R3HDM2: variants seen among roughly 807,000 people sequenced by gnomAD.
The protein encoded by R3HDM2 is R3H domain containing 2.
In R3HDM2, 38 loss-of-function variants were observed where a neutral mutation model predicts 124.5. The ratio of observed to expected loss-of-function variants is 0.31; its 90% CI spans 0.24 to 0.40. The LOEUF is 0.40. Among genes scored for constraint, R3HDM2 ranks in the 10% least tolerant of loss-of-function variants. The pLI is 1.00. For synonymous variants in R3HDM2, 391 were observed against 448.0 expected, an observed-to-expected ratio of 0.87 and a Z score of 1.61; for missense variants, 869 against 1,236.9, an observed-to-expected ratio of 0.70 and a Z score of 4.46.
intron 14 of R3HDM2, chr12:57,272,499 C>T (rs113475767): frequency 2.6e-4 from 400 of 1,549,544 alleles, no homozygotes; most frequent in Non-Finnish European, 3.4e-4. Context: ...GACTTGGGGA[C>T]AGGAGCTTGG....
At chr12:57,258,210 A>G in intron 20 of R3HDM2, 73 bp from the exon 21 acceptor site, 1 of 1,278,476 alleles carries the variant, frequency 7.8e-7, no homozygotes, top group South Asian at 2.8e-5. Flanking sequence ...GCTTGGCTTA[A>G]AATTCACCTC....
chr12:57,278,880 G>C (rs1283474267), intron 14 of R3HDM2, among the ~76,000 whole-genome samples: 1 of 152,102 alleles, frequency 6.6e-6, no homozygotes, highest in Non-Finnish European at 1.5e-5. Context: ...GGCCATTCTG[G>C]GGTCTTTGCA....
At chr12:57,341,459 C>G in intron 2 of R3HDM2, 1 of 976,312 alleles carries the variant, frequency 1.0e-6, no homozygotes, top group Non-Finnish European at 1.2e-6. Flanking sequence ...CAAACAAAAT[C>G]ACTACGTCAC....
At chr12:57,405,574 C>A (rs1198984908) in intron 1 of R3HDM2, among the ~76,000 whole-genome samples, 2 of 152,102 alleles carry the variant, frequency 1.3e-5, no homozygotes, top group African/African-American at 4.8e-5. Flanking sequence ...ATCAAGACTG[C>A]AGTGAGCTAT....
intron 2 of R3HDM2, among the ~76,000 whole-genome samples, chr12:57,336,295 C>T (rs933013149): frequency 1.3e-5 from 2 of 152,144 alleles, no homozygotes; most frequent in African/African-American, 4.8e-5. Flanking sequence ...AATCCCATTA[C>T]TGAGTTTATA....
At chr12:57,428,519 T>TG (rs1427805857) in intron 1 of R3HDM2, among the ~76,000 whole-genome samples, 5 of 7,048 alleles carry the variant, frequency 7.1e-4, no homozygotes, top group African/African-American at 2.2e-3. Flanking sequence ...GGGGGCGTGG[T>TG]GGGGGGGCAC....
At position 57,269,809 on chromosome 12, in the gene R3HDM2, A is replaced by C; in HGVS notation, c.1530T>G (p.His510Gln). Residue 510 changes from histidine to glutamine, a missense_variant, in exon 15 of 24, where the codon CAT becomes CAG. By Grantham distance (24) the His-to-Gln change is conservative. This residue lies in a region of R3HDM2 where 602 missense variants were observed against 789.2 expected (regional missense o/e 0.76). Coordinates refer to ENST00000402412, the MANE Select transcript of R3HDM2 (RefSeq NM_001394031.1). ...GCAGAACTTGCTGAGTAGGTGGTGC[A>C]TGGCTAGAGGTGGAATAGTTGGAAG... The part of the protein sequence containing the change: ...LPTSNYSTSS[H>Q]APPTQQVLPP... 6.2e-7 allele frequency: 1 copy of C among 1,614,186 alleles called. No homozygotes were observed. The highest frequency in any genetic ancestry group is 8.5e-7 in the Non-Finnish European group (1 of 1,180,034).
intron 12 of R3HDM2, chr12:57,288,794 G>T: frequency 7.1e-7 from 1 of 1,401,148 alleles, no homozygotes; most frequent in South Asian, 1.3e-5. Flanking sequence ...CTGCTGAAAA[G>T]ATTACAGCAA....
At chr12:57,430,463 A>G (rs1869541106) in intron 1 of R3HDM2, 1 of 947,642 alleles carries the variant, frequency 1.1e-6, no homozygotes, top group Non-Finnish European at 1.3e-6. Flanking sequence ...TCACCCCGCA[A>G]AGGCCACAGG....
chr12:57,258,082 G>A lies in R3HDM2; in HGVS notation c.2357C>T (p.Pro786Leu), dbSNP rs1318797344. The part of the protein sequence containing the change: ...PVTSPTQSPA[P>L]SPVTSLSSVC... Reference sequence around the variant, plus strand: ...ACTGCTGAGGCTGGTGACAGGAGAGGGTGCTGGAGACTGGGTAGGAGATGT... The same window carrying A: ...ACTGCTGAGGCTGGTGACAGGAGAGAGTGCTGGAGACTGGGTAGGAGATGT... The change falls in exon 21 of 24, where the codon CCC becomes CTC. Residue 786 changes from proline (P) to leucine (L), a missense_variant. Physicochemically the swap from Pro to Leu is moderately conservative, Grantham distance 98. Coordinates refer to ENST00000402412, the MANE Select transcript of R3HDM2 (RefSeq NM_001394031.1). The A allele has an allele frequency of 1.9e-6, 3 of 1,598,404 alleles. No individual in the cohort carries two copies. The South Asian group carries it at 3.4e-5, about 18-fold the overall frequency.
At chr12:57,299,704 C>A (rs576792116) in intron 5 of R3HDM2, among the ~76,000 whole-genome samples, 1 of 152,084 alleles carries the variant, frequency 6.6e-6, no homozygotes, top group African/African-American at 2.4e-5. Flanking sequence ...TTACACAGGC[C>A]GTTCTTGGCA....
In R3HDM2 at chr12:57,279,243, C is replaced by T. The variant is rs148845943; in HGVS notation, c.1344+1115G>A. ...TGTCGCCCAGGCTAGAGAGCAGTGG[C>T]GCGATCTCGGCTCGCCGCAACCTCC... On this transcript the variant is annotated intron_variant, in intron 14 of 23. Transcript: ENST00000402412. Among the ~76,000 whole-genome samples, 81 of 143,538 alleles carry T rather than the reference C, an allele frequency of 5.6e-4. 1 individual carries two copies. The East Asian group carries it at 0.015, about 26-fold the overall frequency. 94.2% of individuals were successfully genotyped at this position (143,538 alleles called of 152,430 possible).
At chr12:57,408,836 A>G (rs2068755539) in intron 1 of R3HDM2, among the ~76,000 whole-genome samples, 1 of 145,328 alleles carries the variant, frequency 6.9e-6, no homozygotes, top group Non-Finnish European at 1.5e-5. Flanking sequence ...TCAGGAGTGG[A>G]TTACTGATTA....
chr12:57,270,698 T>C (rs562600648), intron 14 of R3HDM2, among the ~76,000 whole-genome samples: 4 of 151,790 alleles, frequency 2.6e-5, no homozygotes, highest in Non-Finnish European at 5.9e-5. Flanking sequence ...CCTCCCAAAG[T>C]GTTTGGATTA....
At chr12:57,385,183 C>T (rs541663877) in intron 2 of R3HDM2, among the ~76,000 whole-genome samples, 1 of 151,416 alleles carries the variant, frequency 6.6e-6, no homozygotes, top group South Asian at 2.1e-4. Context: ...AAGAAAAGTA[C>T]TCTGGCTGTA....
intron 2 of R3HDM2, among the ~76,000 whole-genome samples, chr12:57,383,746 C>T (rs2065258450): frequency 6.6e-6 from 1 of 152,070 alleles, no homozygotes; most frequent in Admixed American, 6.6e-5. Context: ...ATCTGTTATA[C>T]AGCTCCTCCT....
Position 57,289,161 on chromosome 12 carries a change from G to C in R3HDM2, c.907-121C>G, listed in dbSNP as rs1204018435. On this transcript the variant is annotated intron_variant, in intron 11 of 23. Coordinates refer to ENST00000402412, the MANE Select transcript of R3HDM2 (RefSeq NM_001394031.1). ...CAAACCAAAGCTCACCCCACCAACA[G>C]GGAGAGAGGGGCCAGGGACAGGATG... 7 of 910,908 alleles carry C rather than the reference G, an allele frequency of 7.7e-6. No individual in the cohort carries two copies. The African/African-American group carries it at 1.2e-4, about 15-fold the overall frequency. The allele number at this position is 910,908 out of a possible 1,614,324, so 56.4% of individuals were successfully genotyped here.
At chr12:57,361,775 G>C (rs1423808474) in intron 2 of R3HDM2, among the ~76,000 whole-genome samples, 1 of 152,148 alleles carries the variant, frequency 6.6e-6, no homozygotes, top group East Asian at 1.9e-4. Flanking sequence ...GCAAAAGGAA[G>C]GTGAAGGATC....
At position 57,255,021 on chromosome 12, in the gene R3HDM2, C is replaced by T. The variant is rs762446850; in HGVS notation, c.2725G>A (p.Ala909Thr). The change falls in exon 24 of 24, where the codon GCC (alanine) becomes ACC (threonine). Residue 909 changes from alanine to threonine, a missense_variant. Ala to Thr is a moderately conservative substitution (Grantham distance 58). Transcript: ENST00000402412. ...KLFTQLAMSG[A>T]KIQWLKDAQG... Reference sequence around the variant, plus strand: ...GCATCCTTGAGCCACTGGATCTTGGCGCCAGACATGGCGAGCTGCGTGAAG... The same window carrying T: ...GCATCCTTGAGCCACTGGATCTTGGTGCCAGACATGGCGAGCTGCGTGAAG... The T allele has an allele frequency of 5.0e-6, 8 of 1,613,736 alleles. No homozygotes were observed. Among genetic ancestry groups the T allele is most frequent in the Non-Finnish European group, 5.9e-6 (7 of 1,179,964 alleles).
Sources: gnomAD v4.1 joint callset for allele counts (sites outside exome capture counted in the v4.1 genomes callset) on GRCh38, gnomAD v4.1.1 for gene constraint, gnomAD v4.1.1 regional missense constraint, MANE v1.5 for transcripts, NCBI Gene and HGNC (gene_info 2026-07-23, HGNC 2026-07-21) for gene names.